CTDSPL2: variants seen among roughly 807,000 people sequenced by gnomAD.
CTDSPL2 encodes the protein CTD small phosphatase-like protein 2.
CTDSPL2 carries 5 observed loss-of-function variants against 60.0 expected under a neutral mutation model. The observed-to-expected ratio is 0.08, with a 90% CI of 0.04 to 0.18. The LOEUF (loss-of-function observed/expected upper bound fraction) is 0.18. Ranked by LOEUF, CTDSPL2 falls within the 10% of genes least tolerant of loss-of-function variation. CTDSPL2 has a pLI of 1.00. For synonymous variants in CTDSPL2, 186 were observed against 189.3 expected, an observed-to-expected ratio of 0.98 and a Z score of 0.14; for missense variants, 370 against 548.8, an observed-to-expected ratio of 0.67 and a Z score of 3.26.
chr15:44,496,981 G>C, intron 6 of CTDSPL2, 46 bp from the exon 7 acceptor site: 1 of 1,105,712 alleles, frequency 9.0e-7, no homozygotes. Flanking sequence ...TGTTCTATAT[G>C]TATAAAAAGT....
intron 4 of CTDSPL2, among the ~76,000 whole-genome samples, 170 bp from the exon 5 acceptor site, chr15:44,490,614 T>G (rs1056157872): frequency 2.0e-5 from 3 of 152,208 alleles, no homozygotes; most frequent in Non-Finnish European, 4.4e-5. Flanking sequence ...TAAGTCTTTA[T>G]TCTTCATTGT....
At chr15:44,484,480 A>T (rs560840152) in intron 3 of CTDSPL2, 118 bp downstream of exon 3, 8 of 973,454 alleles carry the variant, frequency 8.2e-6, no homozygotes, top group Non-Finnish European at 1.2e-5. Context: ...CATGCCTGTA[A>T]TCCTCACATT....
At chr15:44,460,371 G>T (rs1337751891) in intron 2 of CTDSPL2, among the ~76,000 whole-genome samples, 1 of 152,200 alleles carries the variant, frequency 6.6e-6, no homozygotes, top group African/African-American at 2.4e-5. Context: ...GCCTCCCAAA[G>T]TGCTGGGATT....
intron 1 of CTDSPL2, among the ~76,000 whole-genome samples, chr15:44,449,622 C>T (rs1019700684): frequency 3.3e-5 from 5 of 152,108 alleles, no homozygotes; most frequent in East Asian, 1.9e-4. Context: ...TGAGCCACCA[C>T]GCCTGGCCTC....
At chr15:44,459,440 T>C (rs2080517089) in intron 2 of CTDSPL2, among the ~76,000 whole-genome samples, 1 of 152,054 alleles carries the variant, frequency 6.6e-6, no homozygotes, top group Non-Finnish European at 1.5e-5. Context: ...GGCAGGAGAA[T>C]GGCTTGAACC....
At chr15:44,459,603 G>A (rs1352059437) in intron 2 of CTDSPL2, among the ~76,000 whole-genome samples, 1 of 152,122 alleles carries the variant, frequency 6.6e-6, no homozygotes, top group South Asian at 2.1e-4. Flanking sequence ...CAAAAACTAC[G>A]TTTTGGTGTT....
intron 2 of CTDSPL2, among the ~76,000 whole-genome samples, chr15:44,461,209 T>C (rs2080560894): frequency 6.6e-6 from 1 of 152,202 alleles, no homozygotes; most frequent in Non-Finnish European, 1.5e-5. Flanking sequence ...TTCATATTTA[T>C]AGTTGACCCT....
intron 1 of CTDSPL2, among the ~76,000 whole-genome samples, chr15:44,443,175 T>G (rs1357895472): frequency 6.6e-6 from 1 of 152,186 alleles, no homozygotes; most frequent in Non-Finnish European, 1.5e-5. Context: ...CTTTTTCATC[T>G]TCTCAAACGG....
rs573755917 is a variant in CTDSPL2 at position 44,445,897 on chromosome 15, A to G, written c.-24-13094A>G. Among the ~76,000 whole-genome samples the G allele has an allele frequency of 4.4e-3, 666 of 150,216 alleles. 4 individuals carry two copies. The highest frequency in any genetic ancestry group is 0.016 in the African/African-American group (633 of 40,812). ...CATGATCCACCTGCCTCGGCCTGTC[A>G]AACTGCTGGGATTACAGGCGTGAGC... On this transcript the variant is annotated intron_variant, in intron 1 of 12. Transcript: ENST00000260327.
intron 8 of CTDSPL2, among the ~76,000 whole-genome samples, chr15:44,506,628 T>A (rs149578991): frequency 1.3e-5 from 2 of 152,080 alleles, no homozygotes; most frequent in East Asian, 3.9e-4. Context: ...TTGCCCAGGC[T>A]GGTCTCAAAC....
At chr15:44,511,705 T>G (rs569734236) in intron 8 of CTDSPL2, among the ~76,000 whole-genome samples, 37 of 151,338 alleles carry the variant, frequency 2.4e-4, no homozygotes, top group African/African-American at 8.5e-4. Context: ...CCGTCTCTAT[T>G]AAAAATACAA....
chr15:44,492,582 T>G (rs1055862879), intron 5 of CTDSPL2, among the ~76,000 whole-genome samples: 1 of 152,228 alleles, frequency 6.6e-6, no homozygotes, highest in Middle Eastern at 3.4e-3. Flanking sequence ...AAAAAAGTAA[T>G]TGACACAGCA....
chr15:44,461,573 CTTT>C (rs35540014), intron 2 of CTDSPL2, among the ~76,000 whole-genome samples: 1,662 of 125,622 alleles, frequency 0.013, 42 homozygotes, highest in East Asian at 0.085. Context: ...GTTTCTCTCC[CTTT>C]TTTTTTTTTT....
chr15:44,501,445 T>G (rs1278539372), intron 8 of CTDSPL2, among the ~76,000 whole-genome samples: 2 of 152,112 alleles, frequency 1.3e-5, no homozygotes, highest in Non-Finnish European at 2.9e-5. Context: ...TAAAATTGAA[T>G]TTTTTTCTTA....
At chr15:44,436,840 G>T (rs1247134074) in intron 1 of CTDSPL2, among the ~76,000 whole-genome samples, 1 of 152,008 alleles carries the variant, frequency 6.6e-6, no homozygotes, top group African/African-American at 2.4e-5. Context: ...CTCTCTTAAT[G>T]CATGACACAT....
chr15:44,474,102 A>C (rs190915843), intron 2 of CTDSPL2, among the ~76,000 whole-genome samples: 174 of 152,282 alleles, frequency 1.1e-3, no homozygotes, highest in Non-Finnish European at 1.8e-3. Context: ...TGCAAGGATT[A>C]CAGGAGTGAG....
chr15:44,448,347 G>A (rs1264302116), intron 1 of CTDSPL2: 1 of 258,386 alleles, frequency 3.9e-6, no homozygotes, highest in East Asian at 1.1e-4. Flanking sequence ...GCTCCACAAA[G>A]CCCATGCGGT....
At chr15:44,465,748 C>G (rs1170431919) in intron 2 of CTDSPL2, among the ~76,000 whole-genome samples, 2 of 129,384 alleles carry the variant, frequency 1.5e-5, no homozygotes, top group Admixed American at 9.0e-5. Context: ...GAGTCTTGCT[C>G]TGTCGCCCAG....
chr15:44,493,873 AT>A (rs902851504), intron 5 of CTDSPL2, among the ~76,000 whole-genome samples: 9 of 151,696 alleles, frequency 5.9e-5, no homozygotes, highest in South Asian at 2.1e-4. Flanking sequence ...GTTGTTGGAG[AT>A]TTTTTTTTGT....
Sources: gnomAD v4.1 joint callset for allele counts (sites outside exome capture counted in the v4.1 genomes callset) on GRCh38, gnomAD v4.1.1 for gene constraint, MANE v1.5 for transcripts, NCBI Gene and HGNC (gene_info 2026-07-23, HGNC 2026-07-21) for gene names.